CTIF: variants seen among roughly 807,000 people sequenced by gnomAD.
CTIF encodes cap binding complex dependent translation initiation factor.
In CTIF, 21 loss-of-function variants were observed where a neutral mutation model predicts 66.0. That is an observed-to-expected ratio of 0.32 (90% confidence interval 0.23 to 0.46). CTIF has a LOEUF of 0.46. CTIF is among the 20% of genes least tolerant of loss of function. The pLI is 1.00. For missense variants in CTIF, 739 were observed against 812.7 expected (o/e 0.91, Z 1.10); for synonymous variants, 345 against 326.4 (o/e 1.06, Z -0.62).
intron 6 of CTIF, among the ~76,000 whole-genome samples, chr18:48,684,754 A>G (rs558406213): frequency 2.4e-3 from 364 of 152,326 alleles, no homozygotes; most frequent in African/African-American, 7.9e-3. Context: ...ACTTTTTACC[A>G]TACTCGCTTT....
rs2090641451 is a variant in CTIF at position 48,628,413 on chromosome 18, CTG to C, written c.181-8199_181-8198del. On this transcript the variant is annotated intron_variant, in intron 2 of 11. Coordinates refer to ENST00000256413, the MANE Select transcript of CTIF (RefSeq NM_014772.3). Reference sequence around the variant, plus strand: ...GATGAGGAGGAAGTAACAAAGGAGACTGTTTGCATTGTTTCTCACATGTTAAC... The same window carrying C: ...GATGAGGAGGAAGTAACAAAGGAGACTTTGCATTGTTTCTCACATGTTAAC... Among the ~76,000 whole-genome samples, 4 of 152,134 alleles carry C rather than the reference CTG, an allele frequency of 2.6e-5. No individual in the cohort carries two copies. The South Asian group carries it at 8.3e-4, about 32-fold the overall frequency.
At chr18:48,854,785 T>C (rs780722851) in intron 10 of CTIF, among the ~76,000 whole-genome samples, 85 of 152,246 alleles carry the variant, frequency 5.6e-4, no homozygotes, top group Admixed American at 9.8e-4. Context: ...TAGCAGGGCA[T>C]GATGGCCTGC....
At chr18:48,615,782 G>A (rs939929137) in intron 1 of CTIF, among the ~76,000 whole-genome samples, 1 of 152,346 alleles carries the variant, frequency 6.6e-6, no homozygotes, top group Middle Eastern at 3.4e-3. Context: ...AGACCCCGGG[G>A]CAGCTGAGGT....
In CTIF at chr18:48,809,869, G is replaced by A. The variant is rs559588493; in HGVS notation, c.1372-7352G>A. Reference sequence around the variant, plus strand: ...TATACTTTTTTTCTATATCATATCTGTTTTCATATCTAATTTTATTTCTGT... The same window carrying A: ...TATACTTTTTTTCTATATCATATCTATTTTCATATCTAATTTTATTTCTGT... On this transcript the variant is annotated intron_variant, in intron 9 of 11. Transcript: ENST00000256413. 6.0e-5 allele frequency among the ~76,000 whole-genome samples: 9 copies of A among 150,700 alleles called. No homozygotes were observed. In the East Asian group the frequency reaches 1.4e-3, roughly 23 times the overall value.
At chr18:48,625,205 G>T (rs1317021413) in intron 2 of CTIF, 2 of 985,002 alleles carry the variant, frequency 2.0e-6, no homozygotes, top group Admixed American at 6.2e-5. Flanking sequence ...GTACTCAATG[G>T]TGGACCACCC....
intron 8 of CTIF, among the ~76,000 whole-genome samples, chr18:48,759,031 C>G (rs1166113007): frequency 3.3e-5 from 5 of 151,864 alleles, no homozygotes; most frequent in Admixed American, 2.6e-4. Flanking sequence ...AGAGTGAGGC[C>G]TCCTTACTTT....
chr18:48,676,595 A>G (rs187940475), intron 6 of CTIF, among the ~76,000 whole-genome samples: 2 of 152,130 alleles, frequency 1.3e-5, no homozygotes, highest in South Asian at 4.1e-4. Context: ...CTTAGTGCCC[A>G]CACAACAGTG....
chr18:48,588,275 C>A (rs934845470), intron 1 of CTIF, among the ~76,000 whole-genome samples: 1 of 152,234 alleles, frequency 6.6e-6, no homozygotes. Flanking sequence ...TGCTTTCCAG[C>A]ATTCCCCAGA....
intron 6 of CTIF, among the ~76,000 whole-genome samples, chr18:48,699,523 C>T (rs2092054249): frequency 1.3e-5 from 2 of 152,144 alleles, no homozygotes; most frequent in South Asian, 4.1e-4. Flanking sequence ...GGCCTGGGAG[C>T]TTAGCAGGTG....
At chr18:48,707,290 G>A (rs964700399) in intron 6 of CTIF, among the ~76,000 whole-genome samples, 1 of 152,164 alleles carries the variant, frequency 6.6e-6, no homozygotes, top group Non-Finnish European at 1.5e-5. Context: ...AGCAAGGAGA[G>A]GTCTTTGGTC....
At chr18:48,663,722 T>G (rs1446028545) in intron 3 of CTIF, 30 bp from the exon 4 acceptor site, 1 of 1,603,720 alleles carries the variant, frequency 6.2e-7, no homozygotes. Context: ...GAGCAATTAA[T>G]GTCAGCCCTT....
In CTIF at chr18:48,852,594, C is replaced by G. The variant is rs184008913; in HGVS notation, c.1528-4994C>G. On this transcript the variant is annotated intron_variant, in intron 10 of 11. Coordinates refer to ENST00000256413, the MANE Select transcript of CTIF (RefSeq NM_014772.3). Reference sequence around the variant, plus strand: ...TGACTGGTGGAAGCCTCCCTTGGCTCTCCTTGGGGATCCGCAGACCCCAGT... The same window carrying G: ...TGACTGGTGGAAGCCTCCCTTGGCTGTCCTTGGGGATCCGCAGACCCCAGT... 1.1e-3 allele frequency among the ~76,000 whole-genome samples: 164 copies of G among 152,356 alleles called. 2 individuals are homozygous for G. Among genetic ancestry groups the G allele is most frequent in the Admixed American group, 0.011 (163 of 15,308 alleles).
intron 6 of CTIF, among the ~76,000 whole-genome samples, chr18:48,686,753 GC>G (rs2091847907): frequency 6.6e-6 from 1 of 152,122 alleles, no homozygotes; most frequent in Non-Finnish European, 1.5e-5. Context: ...CCTGAGCCTT[GC>G]CTCTCCTGGT....
intron 1 of CTIF, among the ~76,000 whole-genome samples, chr18:48,600,612 G>A (rs1448735754): frequency 2.0e-5 from 3 of 151,840 alleles, no homozygotes; most frequent in Non-Finnish European, 4.4e-5. Flanking sequence ...CAAGGACAGA[G>A]CCAGAGCAAA....
chr18:48,787,879 G>A (rs1031018867), intron 9 of CTIF, among the ~76,000 whole-genome samples: 1 of 152,202 alleles, frequency 6.6e-6, no homozygotes, highest in Admixed American at 6.5e-5. Flanking sequence ...AGAAAGGCAT[G>A]AGAAAGTCTG....
rs552049295 is a variant in CTIF at position 48,543,622 on chromosome 18, G to A, written c.-29+4310G>A. ...CACATCCTTGGATCTCCGGCACCCA[G>A]AGCTGGGGAGGACTTTGAAGATGAT... On this transcript the variant is annotated intron_variant, in intron 1 of 11. Transcript: ENST00000256413. 7.2e-5 allele frequency among the ~76,000 whole-genome samples: 11 copies of A among 152,318 alleles called. 2 individuals are homozygous for A. Among genetic ancestry groups the A allele is most frequent in the African/African-American group, 2.6e-4 (11 of 41,568 alleles).
intron 9 of CTIF, among the ~76,000 whole-genome samples, chr18:48,780,293 C>T (rs1218187445): frequency 1.3e-5 from 2 of 152,226 alleles, no homozygotes; most frequent in Non-Finnish European, 1.5e-5. Context: ...AGAAACCCTT[C>T]TAAGCTTTCC....
chr18:48,712,392 A>G (rs1426950294), intron 7 of CTIF, among the ~76,000 whole-genome samples: 1 of 152,234 alleles, frequency 6.6e-6, no homozygotes, highest in Non-Finnish European at 1.5e-5. Context: ...AGGCTTTCTT[A>G]TAAGGGGAGA....
intron 3 of CTIF, among the ~76,000 whole-genome samples, chr18:48,637,122 G>A (rs183016045): frequency 1.3e-5 from 2 of 152,320 alleles, no homozygotes; most frequent in African/African-American, 4.8e-5. Context: ...TTCTGCTCCA[G>A]ATCTGCAGAA....
Sources: allele counts gnomAD v4.1 joint callset (sites outside exome capture counted in the v4.1 genomes callset), GRCh38; gene constraint gnomAD v4.1.1; transcripts MANE v1.5; gene names NCBI Gene and HGNC (gene_info 2026-07-23, HGNC 2026-07-21).